CEP112: variants seen among roughly 807,000 people sequenced by gnomAD.
CEP112 encodes the protein centrosomal protein of 112 kDa.
CEP112 carries 127 observed loss-of-function variants against 153.0 expected under a neutral mutation model. The ratio of observed to expected loss-of-function variants is 0.83; its 90% confidence interval spans 0.72 to 0.96. CEP112 has a LOEUF of 0.96. CEP112 is among the 40% of genes least tolerant of loss of function. CEP112 has a pLI of 0.00. For missense variants in CEP112, 1,089 were observed against 1,101.2 expected, an observed-to-expected ratio of 0.99 and a Z score of 0.16; for synonymous variants, 358 against 374.4, an observed-to-expected ratio of 0.96 and a Z score of 0.51.
chr17:66,072,349 A>T (rs1227127185), intron 8 of CEP112, among the ~76,000 whole-genome samples: 1 of 152,154 alleles, frequency 6.6e-6, no homozygotes, highest in Non-Finnish European at 1.5e-5. Context: ...TTATCACAGT[A>T]ATGTCATTTA....
intron 23 of CEP112, among the ~76,000 whole-genome samples, chr17:65,732,984 A>G (rs2050595553): frequency 6.6e-6 from 1 of 152,198 alleles, no homozygotes; most frequent in African/African-American, 2.4e-5. Flanking sequence ...TTGCATTCAC[A>G]ATGTGGCTAT....
At chr17:65,965,332 A>G (rs1384257550) in intron 17 of CEP112, among the ~76,000 whole-genome samples, 1 of 152,186 alleles carries the variant, frequency 6.6e-6, no homozygotes, top group African/African-American at 2.4e-5. Context: ...ATATTGTTTT[A>G]TACTCAATTA....
intron 23 of CEP112, among the ~76,000 whole-genome samples, chr17:65,741,308 A>G (rs1444303777): frequency 1.3e-5 from 2 of 151,746 alleles, no homozygotes; most frequent in South Asian, 2.1e-4. Flanking sequence ...AATAAACACT[A>G]ATGAATCAAT....
chr17:66,170,021 C>T lies in CEP112; in HGVS notation c.470+5023G>A, dbSNP rs148527226. 1.2e-4 allele frequency among the ~76,000 whole-genome samples: 19 copies of T among 152,276 alleles called. No homozygotes were observed. The East Asian group carries it at 3.3e-3, about 26-fold the overall frequency. ...ACTTGTGTGGATGTCAGCAGCATTC[C>T]GTTCCTTATGGCTATCTGATTCATG... On this transcript the variant is annotated intron_variant, in intron 4 of 26. Coordinates refer to ENST00000535342, the MANE Select transcript of CEP112 (RefSeq NM_001199165.4).
chr17:66,119,053 T>C (rs1380777154), intron 6 of CEP112, among the ~76,000 whole-genome samples: 2 of 152,088 alleles, frequency 1.3e-5, no homozygotes, highest in African/African-American at 2.4e-5. Context: ...GGGACATGGA[T>C]GAAGCTGGAA....
intron 20 of CEP112, among the ~76,000 whole-genome samples, chr17:65,888,074 G>A (rs12451449): frequency 0.33 from 50,453 of 151,818 alleles, 10,523 homozygotes; most frequent in Non-Finnish European, 0.47. Flanking sequence ...GTTATCTTCC[G>A]GCAATATCAC....
chr17:65,902,422 G>A (rs2059906643), intron 19 of CEP112, 88 bp from the exon 20 acceptor site: 1 of 1,110,408 alleles, frequency 9.0e-7, no homozygotes, highest in Non-Finnish European at 1.2e-6. Flanking sequence ...TCTCTAATTT[G>A]TCCAAGTTGA....
At chr17:65,847,452 C>T (rs1568109308) in intron 21 of CEP112, among the ~76,000 whole-genome samples, 1 of 152,192 alleles carries the variant, frequency 6.6e-6, no homozygotes, top group Non-Finnish European at 1.5e-5. Context: ...GCAGACTACT[C>T]TGATTCTTTA....
intron 9 of CEP112, among the ~76,000 whole-genome samples, chr17:66,068,151 A>C (rs1325581770): frequency 6.6e-6 from 1 of 152,202 alleles, no homozygotes; most frequent in African/African-American, 2.4e-5. Context: ...ACTCACAAAA[A>C]CTACAGAAAT....
At chr17:65,812,935 T>C (rs1270647824) in intron 21 of CEP112, among the ~76,000 whole-genome samples, 1 of 152,198 alleles carries the variant, frequency 6.6e-6, no homozygotes, top group Non-Finnish European at 1.5e-5. Context: ...CAAACATTGC[T>C]CTTCCAAAGC....
rs565193760 is a variant in CEP112, at chr17:66,176,746, G to A, written c.297+84C>T. ...ATTATCTAGCACATACAACCTAATA[G>A]TATTACCATTCCCCAAAGGGATGAT... On this transcript the variant is annotated intron_variant, in intron 3 of 26. Transcript: ENST00000535342. The A allele has an allele frequency of 4.4e-5, 45 of 1,026,682 alleles. No homozygotes were observed. In the African/African-American group the frequency reaches 6.3e-4, roughly 14 times the overall value. The allele number at this position is 1,026,682 out of a possible 1,614,324, so 63.6% of individuals were successfully genotyped here.
chr17:65,965,518 C>A (rs77924997), intron 17 of CEP112, among the ~76,000 whole-genome samples: 1 of 122,090 alleles, frequency 8.2e-6, no homozygotes, highest in South Asian at 2.7e-4. Context: ...CTTCTGCCCC[C>A]TTTTTTTTTT....
chr17:65,677,577 T>C (rs925040316), intron 24 of CEP112, among the ~76,000 whole-genome samples: 3 of 152,192 alleles, frequency 2.0e-5, no homozygotes, highest in African/African-American at 7.2e-5. Flanking sequence ...CTTTCTTTCC[T>C]TGTTTCTAGT....
intron 8 of CEP112, among the ~76,000 whole-genome samples, chr17:66,088,065 C>T (rs1014325589): frequency 6.6e-6 from 1 of 151,862 alleles, no homozygotes; most frequent in Non-Finnish European, 1.5e-5. Context: ...CTGATACCAG[C>T]AGCCACAGCA....
intron 4 of CEP112, among the ~76,000 whole-genome samples, chr17:66,149,328 T>A (rs1342585985): frequency 6.6e-6 from 1 of 152,212 alleles, no homozygotes; most frequent in Non-Finnish European, 1.5e-5. Flanking sequence ...AGTTTTAGTA[T>A]CAACTTAATG....
chr17:65,965,562 G>A lies in CEP112; in HGVS notation c.1737-3964C>T, dbSNP rs573920775. Among the ~76,000 whole-genome samples the A allele has an allele frequency of 7.8e-5, 10 of 128,380 alleles. No individual in the cohort carries two copies. The East Asian group carries it at 1.3e-3, about 16-fold the overall frequency. The allele number at this position is 128,380 out of a possible 152,430, so 84.2% of individuals were successfully genotyped here. The stretch of plus-strand genomic sequence containing the variant: ...CTTTGAGACAGGGTATTGCTCTGTC[G>A]CCCAGGCTGGAGTGCAGTGGCACAA... On this transcript the variant is annotated intron_variant, in intron 17 of 26. Transcript: ENST00000535342.
chr17:65,814,217 G>A (rs575020713), intron 21 of CEP112, among the ~76,000 whole-genome samples: 2 of 152,278 alleles, frequency 1.3e-5, no homozygotes, highest in South Asian at 4.1e-4. Context: ...ATCTCTTGTG[G>A]AATGTGTGTC....
chr17:66,176,950 C>T lies in CEP112; in HGVS notation c.177G>A (p.Gly59=). The T allele has an allele frequency of 6.2e-7, 1 of 1,613,896 alleles. No homozygotes were observed. Among genetic ancestry groups the T allele is most frequent in the South Asian group, 1.1e-5 (1 of 91,066 alleles). Residue 59 remains glycine, a synonymous_variant, in exon 3 of 27, where the codon GGG becomes GGA. Coordinates refer to ENST00000535342, the MANE Select transcript of CEP112 (RefSeq NM_001199165.4). ...EPSGTGAGIM[G]RKNRNLYAKL... is the part of the protein sequence containing the mutation. ...TTGCATACAGGTTCCGATTCTTCCT[C>T]CCCATTATTCCTGCACCTGTTCCTG...
At chr17:65,639,100 A>T (rs1275475560) in intron 25 of CEP112, among the ~76,000 whole-genome samples, 5 of 152,274 alleles carry the variant, frequency 3.3e-5, no homozygotes, top group South Asian at 2.1e-4. Flanking sequence ...ACAAAATTTC[A>T]TAGCCCTTAG....
Sources: allele counts gnomAD v4.1 joint callset (sites outside exome capture counted in the v4.1 genomes callset), GRCh38; gene constraint gnomAD v4.1.1; transcripts MANE v1.5; gene names NCBI Gene and HGNC (gene_info 2026-07-23, HGNC 2026-07-21).